CTNNA3: variants seen among roughly 807,000 people sequenced by gnomAD.
The protein encoded by CTNNA3 is catenin alpha 3, also known as catenin alpha-3.
Under a neutral mutation model 95.7 loss-of-function variants are expected in CTNNA3, and 76 were observed. The ratio of observed to expected loss-of-function variants is 0.79; its 90% confidence interval spans 0.66 to 0.96. The LOEUF (loss-of-function observed/expected upper bound fraction) is 0.96. CTNNA3 is among the 40% of genes least tolerant of loss of function. CTNNA3 has a pLI of 0.00. For missense variants in CTNNA3, 1,191 were observed against 1,089.8 expected, an observed-to-expected ratio of 1.09 and a Z score of -1.31; for synonymous variants, 431 against 374.4, an observed-to-expected ratio of 1.15 and a Z score of -1.74.
chr10:66,530,170 T>A (rs1841417632), intron 10 of CTNNA3, among the ~76,000 whole-genome samples: 1 of 152,186 alleles, frequency 6.6e-6, no homozygotes, highest in Admixed American at 6.5e-5. Context: ...AAAAGCACTT[T>A]GTGGATTAAA....
intron 9 of CTNNA3, among the ~76,000 whole-genome samples, chr10:66,715,823 G>T (rs71494000): frequency 0.033 from 4,943 of 151,772 alleles, 212 homozygotes; most frequent in East Asian, 0.22. Context: ...TTCTTGACAG[G>T]GATGAGCCAA....
At chr10:66,822,240 G>A (rs2132294783) in intron 7 of CTNNA3, among the ~76,000 whole-genome samples, 1 of 151,860 alleles carries the variant, frequency 6.6e-6, no homozygotes, top group South Asian at 2.1e-4. Context: ...TTCTACGGAT[G>A]ACAAATATTT....
chr10:67,598,615 A>T (rs1352233771), intron 3 of CTNNA3, among the ~76,000 whole-genome samples: 2 of 152,104 alleles, frequency 1.3e-5, no homozygotes, highest in Non-Finnish European at 2.9e-5. Flanking sequence ...AAGGCACCTG[A>T]CAAGGACAGA....
At position 66,948,219 on chromosome 10, in the gene CTNNA3, G is replaced by A. The variant is rs368943092; in HGVS notation, c.1048-172695C>T. On this transcript the variant is annotated intron_variant, in intron 7 of 17. Coordinates refer to ENST00000433211, the MANE Select transcript of CTNNA3 (RefSeq NM_013266.4). ...GAAATTCTCAAATTATGCCCACTTGGTGAACTGTGATCAGACAGACTGAAA... is the reference window on the plus strand; with the variant it reads ...GAAATTCTCAAATTATGCCCACTTGATGAACTGTGATCAGACAGACTGAAA... Among the ~76,000 whole-genome samples, 15 of 152,268 alleles carry A rather than the reference G, an allele frequency of 9.9e-5. No individual in the cohort carries two copies. In the South Asian group the frequency reaches 2.5e-3, roughly 25 times the overall value.
intron 9 of CTNNA3, among the ~76,000 whole-genome samples, chr10:66,643,324 CT>C (rs1343968038): frequency 1.3e-5 from 2 of 152,116 alleles, no homozygotes; most frequent in Non-Finnish European, 2.9e-5. Context: ...CAACTTGGCT[CT>C]GCTGGGTAAC....
At position 67,539,606 on chromosome 10, in the gene CTNNA3, TC is replaced by T; in HGVS notation, c.355del (p.Glu119ArgfsTer14). 6.2e-7 allele frequency: 1 copy of T among 1,613,796 alleles called. No individual in the cohort carries two copies. The highest frequency in any genetic ancestry group is 8.5e-7 in the Non-Finnish European group (1 of 1,179,818). Reference protein sequence around the residue: ...TDDPCFLPKREAVVQAARALL... With the variant: ...TDDPCFLPKRXAVVQAARALL... ...GGCACGGGCAGCTTGAACCACAGCCTCCCTTTTTGGGAGAAAACAGGGGTCA... is the reference window on the plus strand; with the variant it reads ...GGCACGGGCAGCTTGAACCACAGCCTCCTTTTTGGGAGAAAACAGGGGTCA... On this transcript the variant is annotated frameshift_variant, in exon 4 of 18. Transcript: ENST00000433211. LOFTEE classifies it high-confidence loss of function.
intron 9 of CTNNA3, among the ~76,000 whole-genome samples, chr10:66,627,973 A>G (rs558879835): frequency 3.9e-5 from 6 of 152,204 alleles, no homozygotes; most frequent in Non-Finnish European, 4.4e-5. Flanking sequence ...CTCTTCCACA[A>G]ACTCTTTTCA....
chr10:67,143,567 C>G (rs1375083471), intron 7 of CTNNA3, among the ~76,000 whole-genome samples: 2 of 151,822 alleles, frequency 1.3e-5, no homozygotes, highest in Admixed American at 6.6e-5. Flanking sequence ...ATGGAATATT[C>G]TAAATCCTTT....
chr10:66,076,586 A>G (rs2080565852), intron 14 of CTNNA3, among the ~76,000 whole-genome samples: 1 of 151,710 alleles, frequency 6.6e-6, no homozygotes, highest in East Asian at 1.9e-4. Context: ...ATCAAAAAAC[A>G]CCCCTCTTAA....
At chr10:66,461,803 G>T (rs564217650) in intron 11 of CTNNA3, among the ~76,000 whole-genome samples, 28 of 143,130 alleles carry the variant, frequency 2.0e-4, no homozygotes, top group Admixed American at 1.8e-3. Flanking sequence ...TAATATCCTT[G>T]TATATCTCCA....
intron 11 of CTNNA3, among the ~76,000 whole-genome samples, chr10:66,381,722 C>A (rs554115996): frequency 4.9e-4 from 75 of 152,134 alleles, no homozygotes; most frequent in African/African-American, 1.7e-3. Flanking sequence ...CACTGAAAAC[C>A]TTCATTATAA....
At chr10:67,720,423 G>C (rs1841173249) in intron 1 of CTNNA3, among the ~76,000 whole-genome samples, 2 of 151,700 alleles carry the variant, frequency 1.3e-5, no homozygotes, top group South Asian at 4.2e-4. Flanking sequence ...TATTTTGCCT[G>C]TTACTGATGC....
intron 13 of CTNNA3, among the ~76,000 whole-genome samples, chr10:66,254,600 C>G (rs1421289137): frequency 6.6e-6 from 1 of 152,182 alleles, no homozygotes; most frequent in Non-Finnish European, 1.5e-5. Context: ...ATACTGTTGT[C>G]AATAAATTCT....
Position 67,402,099 on chromosome 10 carries a change from C to G in CTNNA3, c.579+119743G>C, listed in dbSNP as rs146564822. 3.4e-3 allele frequency among the ~76,000 whole-genome samples: 516 copies of G among 152,214 alleles called. 4 individuals carry two copies. Among genetic ancestry groups the G allele is most frequent in the African/African-American group, 0.011 (471 of 41,544 alleles). ...ATGTTTCCTAACCAGTCTGAATTAT[C>G]TGAAATGACAGACATAGAATTCAAA... On this transcript the variant is annotated intron_variant, in intron 5 of 17. Coordinates refer to ENST00000433211, the MANE Select transcript of CTNNA3 (RefSeq NM_013266.4).
intron 7 of CTNNA3, among the ~76,000 whole-genome samples, chr10:66,946,455 A>G (rs1337298497): frequency 2.0e-5 from 3 of 152,132 alleles, no homozygotes; most frequent in Non-Finnish European, 4.4e-5. Flanking sequence ...AGCTTGATGA[A>G]TAACTGAGCA....
At chr10:67,575,288 T>C (rs1842106427) in intron 3 of CTNNA3, among the ~76,000 whole-genome samples, 1 of 152,040 alleles carries the variant, frequency 6.6e-6, no homozygotes, top group Non-Finnish European at 1.5e-5. Flanking sequence ...TTCTTCTTTT[T>C]TTCCCCCATA....
At chr10:67,001,153 T>G (rs1313889509) in intron 7 of CTNNA3, among the ~76,000 whole-genome samples, 1 of 150,782 alleles carries the variant, frequency 6.6e-6, no homozygotes, top group East Asian at 2.0e-4. Flanking sequence ...ATACAAAAAT[T>G]AGCTAGGGGT....
intron 10 of CTNNA3, among the ~76,000 whole-genome samples, chr10:66,583,167 A>G (rs547783236): frequency 8.9e-4 from 135 of 151,878 alleles, no homozygotes; most frequent in Admixed American, 1.6e-3. Flanking sequence ...TGTATTAGGG[A>G]GGATTCTCTT....
intron 9 of CTNNA3, among the ~76,000 whole-genome samples, chr10:66,678,113 G>C (rs1846929664): frequency 6.6e-6 from 1 of 152,034 alleles, no homozygotes; most frequent in South Asian, 2.1e-4. Flanking sequence ...AAATAATAAT[G>C]ACAATGACAA....
Sources: gnomAD v4.1 joint callset for allele counts (sites outside exome capture counted in the v4.1 genomes callset) on GRCh38, gnomAD v4.1.1 for gene constraint, MANE v1.5 for transcripts, NCBI Gene and HGNC (gene_info 2026-07-23, HGNC 2026-07-21) for gene names.